EPS8: variants seen among roughly 807,000 people sequenced by gnomAD.
EPS8 encodes the protein EGFR pathway substrate 8, signaling adaptor.
In EPS8, 42 loss-of-function variants were observed where a neutral mutation model predicts 103.8. The ratio of observed to expected loss-of-function variants is 0.40; its 90% CI spans 0.32 to 0.52. The LOEUF (loss-of-function observed/expected upper bound fraction) is 0.52. EPS8 is among the 20% of genes least tolerant of loss of function. The probability of loss-of-function intolerance (pLI) is 0.40; values close to 1 mark genes in which losing one functional copy is unlikely to be tolerated. For synonymous variants in EPS8, 344 were observed against 344.6 expected, an observed-to-expected ratio of 1.00 and a Z score of 0.02; for missense variants, 969 against 1,005.1, an observed-to-expected ratio of 0.96 and a Z score of 0.49.
chr12:15,658,320 T>C (rs1016423436), intron 11 of EPS8, among the ~76,000 whole-genome samples, 167 bp from the exon 12 acceptor site: 2 of 152,186 alleles, frequency 1.3e-5, no homozygotes, highest in African/African-American at 4.8e-5. Context: ...CAATCAAGTC[T>C]CTTAGATATA....
At chr12:15,630,505 T>C (rs1169026846) in intron 18 of EPS8, among the ~76,000 whole-genome samples, 6 of 152,254 alleles carry the variant, frequency 3.9e-5, no homozygotes, top group Non-Finnish European at 8.8e-5. Context: ...AGTGTCTTTT[T>C]AGTTTACTTA....
rs1450215933 is a variant in EPS8, at chr12:15,778,904, T to A, written c.-22+10257A>T. Among the ~76,000 whole-genome samples, 1 of 152,194 alleles carries A rather than the reference T, an allele frequency of 6.6e-6. No homozygotes were observed. The highest frequency in any genetic ancestry group is 1.5e-5 in the Non-Finnish European group (1 of 68,036). ...TCAATTTACCAAGTTACTCACAAAA[T>A]TAATTTCAAGAAATCCAAGTCCCCA... On this transcript the variant is annotated intron_variant, in intron 1 of 20. Coordinates refer to ENST00000281172, the MANE Select transcript of EPS8 (RefSeq NM_004447.6). This position sits in a 1 kb window ranked among gnomAD's most constrained non-coding sequence, Gnocchi z 4.5.
At position 15,655,743 on chromosome 12, in the gene EPS8, G is replaced by T. The variant is rs534518674; in HGVS notation, c.1102-1450C>A. Among the ~76,000 whole-genome samples, 7 of 152,316 alleles carry T rather than the reference G, an allele frequency of 4.6e-5. No homozygotes were observed. The South Asian group carries it at 1.5e-3, about 32-fold the overall frequency. On this transcript the variant is annotated intron_variant, in intron 12 of 20. Transcript: ENST00000281172. ...TATAAATGAAAGGTTAAGAGCCATG[G>T]TTCCCTCTCAAGAACGTGCGCAGGC...
At chr12:15,648,468 A>C (rs941296937) in intron 14 of EPS8, among the ~76,000 whole-genome samples, 1 of 152,232 alleles carries the variant, frequency 6.6e-6, no homozygotes, top group African/African-American at 2.4e-5. Context: ...TTATCCATGG[A>C]CAAAGCAGGT....
chr12:15,730,355 T>A (rs1259310830), intron 1 of EPS8, among the ~76,000 whole-genome samples: 43 of 152,192 alleles, frequency 2.8e-4, no homozygotes, highest in Admixed American at 2.7e-3. Context: ...AGATCTTGAT[T>A]ACTCTAAAAC....
At chr12:15,642,342 C>T (rs1299787592) in intron 15 of EPS8, among the ~76,000 whole-genome samples, 1 of 151,826 alleles carries the variant, frequency 6.6e-6, no homozygotes, top group Middle Eastern at 3.5e-3. Context: ...ACACTTTGCC[C>T]AGTTATCTAA....
In EPS8 at chr12:15,749,361, GCACAGTATACT is replaced by G. The variant is rs1265409400; in HGVS notation, c.-22+39789_-22+39799del. 6.6e-6 allele frequency among the ~76,000 whole-genome samples: 1 copy of G among 151,998 alleles called. No homozygotes were observed. Among genetic ancestry groups the G allele is most frequent in the African/African-American group, 2.4e-5 (1 of 41,370 alleles). ...TATTTGCTTGTCTATCACTTACCCT[GCACAGTATACT>G]CAAGAGCAGGAATGTCTTGTTCAAC... is the stretch of plus-strand genomic sequence containing the variant. On this transcript the variant is annotated intron_variant, in intron 1 of 20. Transcript: ENST00000281172. This position sits in a 1 kb window ranked among gnomAD's most constrained non-coding sequence, Gnocchi z 4.0.
intron 1 of EPS8, among the ~76,000 whole-genome samples, chr12:15,686,407 G>T (rs933280643): frequency 6.6e-6 from 1 of 152,100 alleles, no homozygotes; most frequent in Admixed American, 6.5e-5. Context: ...CCCTGCATTT[G>T]CTCAAGGGTC....
At chr12:15,674,237 A>AT (rs563350077) in intron 3 of EPS8, among the ~76,000 whole-genome samples, 20 of 152,064 alleles carry the variant, frequency 1.3e-4, no homozygotes, top group Non-Finnish European at 2.2e-4. Context: ...AATATTTAGA[A>AT]TTTTTTTTCT....
chr12:15,712,556 G>A (rs936408878), intron 1 of EPS8, among the ~76,000 whole-genome samples: 1 of 152,142 alleles, frequency 6.6e-6, no homozygotes, highest in Non-Finnish European at 1.5e-5. Flanking sequence ...GCTATAATAT[G>A]AGGGGAAAAT....
intron 19 of EPS8, 112 bp from the exon 20 acceptor site, chr12:15,623,399 C>G (rs1591795444): frequency 1.1e-6 from 1 of 917,896 alleles, no homozygotes; most frequent in Non-Finnish European, 1.6e-6. Flanking sequence ...GTTCCATACC[C>G]TGGAACCCTT....
chr12:15,730,086 C>T (rs1946697425), intron 1 of EPS8, among the ~76,000 whole-genome samples: 1 of 152,148 alleles, frequency 6.6e-6, no homozygotes, highest in Non-Finnish European at 1.5e-5. Flanking sequence ...ACCTGGAACC[C>T]TCTCCATTAT....
intron 1 of EPS8, among the ~76,000 whole-genome samples, chr12:15,788,341 A>T (rs1947330642): frequency 6.6e-6 from 1 of 152,196 alleles, no homozygotes; most frequent in South Asian, 2.1e-4. Context: ...ATGTCTGCGG[A>T]TTTCAAATCC....
intron 1 of EPS8, among the ~76,000 whole-genome samples, chr12:15,786,005 C>A (rs902168535): frequency 6.6e-6 from 1 of 151,528 alleles, no homozygotes; most frequent in Non-Finnish European, 1.5e-5. Context: ...AAATCTCCCA[C>A]GGAGAAAAAT....
rs1159591172 is a variant in EPS8, at chr12:15,725,151, T to G, written c.-21-42179A>C. Reference sequence around the variant, plus strand: ...AGGATACCACCAGTCCACAGATCTGTGTCAATAAATCAGGATAAGCCAGCA... The same window carrying G: ...AGGATACCACCAGTCCACAGATCTGGGTCAATAAATCAGGATAAGCCAGCA... On this transcript the variant is annotated intron_variant, in intron 1 of 20. Coordinates refer to ENST00000281172, the MANE Select transcript of EPS8 (RefSeq NM_004447.6). This position sits in a 1 kb window ranked among gnomAD's most constrained non-coding sequence, Gnocchi z 4.5. 6.6e-6 allele frequency among the ~76,000 whole-genome samples: 1 copy of G among 152,160 alleles called. No individual in the cohort carries two copies. Among genetic ancestry groups the G allele is most frequent in the Non-Finnish European group, 1.5e-5 (1 of 68,024 alleles).
intron 1 of EPS8, among the ~76,000 whole-genome samples, chr12:15,753,992 A>G (rs562459255): frequency 8.5e-5 from 13 of 152,368 alleles, no homozygotes; most frequent in Non-Finnish European, 1.9e-4. Flanking sequence ...GCCAGAGCCA[A>G]TGGTTCACCC....
chr12:15,640,613 G>T, intron 17 of EPS8, 90 bp downstream of exon 17: 1 of 1,157,922 alleles, frequency 8.6e-7, no homozygotes, highest in Non-Finnish European at 1.2e-6. Flanking sequence ...ATCTCAAAAT[G>T]ATCAATACAC....
At chr12:15,658,458 T>C in intron 11 of EPS8, 39 bp downstream of exon 11, 3 of 1,283,902 alleles carry the variant, frequency 2.3e-6, no homozygotes, top group Non-Finnish European at 3.4e-6. Flanking sequence ...ACCTTTTCCA[T>C]TTATTTCTTC....
At chr12:15,661,286 T>A (rs1434630945) in intron 9 of EPS8, among the ~76,000 whole-genome samples, 1 of 152,176 alleles carries the variant, frequency 6.6e-6, no homozygotes, top group Non-Finnish European at 1.5e-5. Flanking sequence ...ACTATAGTCT[T>A]AGTTGCCTTT....
Sources: allele counts gnomAD v4.1 joint callset (sites outside exome capture counted in the v4.1 genomes callset), GRCh38; gene constraint gnomAD v4.1.1; non-coding constraint Gnocchi (gnomAD v3.1); transcripts MANE v1.5; gene names NCBI Gene and HGNC (gene_info 2026-07-23, HGNC 2026-07-21).